The following CP variants were observed in gnomAD, a reference collection of about 807,000 sequenced individuals.
The protein encoded by CP is caeruloplasmin.
CP carries 64 observed loss-of-function variants against 122.4 expected under a neutral mutation model. The ratio of observed to expected loss-of-function variants is 0.52; its 90% CI spans 0.43 to 0.64. The LOEUF (loss-of-function observed/expected upper bound fraction) is 0.64, where lower values mean the gene tolerates loss of function less well. CP is among the 30% of genes least tolerant of loss of function. CP has a pLI of 0.00. For missense variants in CP, 1,167 were observed against 1,284.4 expected, an observed-to-expected ratio of 0.91 and a Z score of 1.40; for synonymous variants, 440 against 436.4, an observed-to-expected ratio of 1.01 and a Z score of -0.10.
At chr3:149,219,871 T>A (rs1033715860) in intron 1 of CP, among the ~76,000 whole-genome samples, 9 of 151,532 alleles carry the variant, frequency 5.9e-5, no homozygotes, top group Admixed American at 2.0e-4. Context: ...CAGGAAGGTA[T>A]GGGAAAGTTT....
At chr3:149,174,957 C>T (rs765654270) in intron 18 of CP, among the ~76,000 whole-genome samples, 3 of 152,036 alleles carry the variant, frequency 2.0e-5, no homozygotes, top group Non-Finnish European at 4.4e-5. Flanking sequence ...AAAACTATCT[C>T]GCCTTTCTTA....
chr3:149,178,213 A>G (rs1278329635), intron 16 of CP, among the ~76,000 whole-genome samples: 1 of 152,214 alleles, frequency 6.6e-6, no homozygotes, highest in Admixed American at 6.5e-5. Flanking sequence ...AGGAAATGAG[A>G]TTTTGGAATT....
intron 11 of CP, 23 bp from the exon 12 acceptor site, chr3:149,185,469 A>G (rs1441254736): frequency 6.2e-7 from 1 of 1,611,256 alleles, no homozygotes; most frequent in South Asian, 1.1e-5. Context: ...ATAAGAAAAC[A>G]TGTCACTTCT....
chr3:149,216,852 C>T (rs1182067211), intron 1 of CP, among the ~76,000 whole-genome samples: 1 of 150,086 alleles, frequency 6.7e-6, no homozygotes, highest in African/African-American at 2.5e-5. Flanking sequence ...TCCATACAAG[C>T]TGTCTTGTGT....
intron 9 of CP, among the ~76,000 whole-genome samples, chr3:149,192,981 TACACACACAC>T (rs3070607): frequency 6.7e-6 from 1 of 148,704 alleles, no homozygotes; most frequent in Admixed American, 6.7e-5. Flanking sequence ...TGATCCTGTA[TACACACACAC>T]ACACACACAC....
intron 9 of CP, among the ~76,000 whole-genome samples, chr3:149,189,382 C>T (rs1726392606): frequency 6.6e-6 from 1 of 151,936 alleles, no homozygotes; most frequent in South Asian, 2.1e-4. Context: ...GAAACCCCGT[C>T]TCTACTAAAA....
intron 5 of CP, 68 bp downstream of exon 5, chr3:149,207,295 T>C: frequency 1.9e-6 from 3 of 1,599,068 alleles, no homozygotes; most frequent in Non-Finnish European, 2.6e-6. Context: ...GATATTTAGC[T>C]TTTAGATTCT....
chr3:149,171,554 A>AT (rs1201907313), downstream of CP, among the ~76,000 whole-genome samples: 4 of 152,246 alleles, frequency 2.6e-5, no homozygotes, highest in African/African-American at 9.6e-5. Flanking sequence ...GAAATAATAA[A>AT]TCCAAATTTC....
At position 149,162,710 on chromosome 3, in the gene CP, A is replaced by G. The variant is rs2108170206; in HGVS notation, c.*179T>C. The G allele has an allele frequency of 6.2e-7, 1 of 1,614,010 alleles. No individual in the cohort carries two copies. Among genetic ancestry groups the G allele is most frequent in the South Asian group, 1.1e-5 (1 of 91,080 alleles). ...TTAAGGTGCTTTGTGCTAAGGATGA[A>G]GATACAATTCCTCAGCTCTTGGTAG... On this transcript the variant is annotated 3_prime_UTR_variant, in exon 6 of 6. Transcript: ENST00000479771.
intron 9 of CP, among the ~76,000 whole-genome samples, chr3:149,191,453 A>C (rs1472116863): frequency 6.6e-6 from 1 of 152,058 alleles, no homozygotes; most frequent in East Asian, 1.9e-4. Flanking sequence ...GAGCAGCTCA[A>C]GTGATTTGTT....
intron 9 of CP, among the ~76,000 whole-genome samples, chr3:149,195,330 A>T (rs1189026592): frequency 6.6e-6 from 1 of 152,234 alleles, no homozygotes; most frequent in Non-Finnish European, 1.5e-5. Flanking sequence ...CTAGGAATTT[A>T]TCACAAAGGT....
chr3:149,199,061 C>A (rs1408905626), intron 8 of CP, among the ~76,000 whole-genome samples: 3 of 152,166 alleles, frequency 2.0e-5, no homozygotes, highest in African/African-American at 7.2e-5. Flanking sequence ...ATTTGAATAA[C>A]CTGTTCACAG....
At position 149,213,631 on chromosome 3, in the gene CP, GGTGTGTGT is replaced by G. The variant is rs71135672; in HGVS notation, c.147-941_147-934del. ...TGAATAAAAACTGCTCATCATCATGGGTGTGTGTGTGTGTGTGTGTGTGTGTGTGTGTG... is the reference window on the plus strand; with the variant it reads ...TGAATAAAAACTGCTCATCATCATGGGTGTGTGTGTGTGTGTGTGTGTGTG... On this transcript the variant is annotated intron_variant, in intron 1 of 18. Transcript: ENST00000264613. Among the ~76,000 whole-genome samples, 1,109 of 143,748 alleles carry G rather than the reference GGTGTGTGT, an allele frequency of 7.7e-3. 8 individuals carry two copies. Among genetic ancestry groups the G allele is most frequent in the South Asian group, 0.022 (95 of 4,342 alleles). 94.3% of individuals were successfully genotyped at this position (143,748 alleles called of 152,430 possible).
intron 1 of CP, among the ~76,000 whole-genome samples, chr3:149,215,307 A>G (rs1303339735): frequency 2.0e-5 from 3 of 152,240 alleles, no homozygotes; most frequent in Admixed American, 6.5e-5. Context: ...CATTTCCTAA[A>G]ATAGGAAGAG....
At chr3:149,181,463 A>G (rs1725770067) in intron 14 of CP, among the ~76,000 whole-genome samples, 1 of 152,206 alleles carries the variant, frequency 6.6e-6, no homozygotes, top group Admixed American at 6.5e-5. Flanking sequence ...TTTTCCTGGA[A>G]GCCAACTTTA....
intron 9 of CP, among the ~76,000 whole-genome samples, chr3:149,189,235 T>G (rs1726382762): frequency 6.6e-6 from 1 of 152,102 alleles, no homozygotes; most frequent in Non-Finnish European, 1.5e-5. Flanking sequence ...GTACTAAAAA[T>G]GTCCTGGTAA....
At chr3:149,218,147 A>C (rs1194375657) in intron 1 of CP, among the ~76,000 whole-genome samples, 2 of 152,224 alleles carry the variant, frequency 1.3e-5, no homozygotes, top group African/African-American at 4.8e-5. Flanking sequence ...CCTAGAGGTC[A>C]TCAGAAAAAA....
At chr3:149,197,364 G>A (rs192314367) in intron 9 of CP, among the ~76,000 whole-genome samples, 24 of 152,170 alleles carry the variant, frequency 1.6e-4, no homozygotes, top group African/African-American at 5.8e-4. Flanking sequence ...AAAGGAAGAT[G>A]GAATTAGAAT....
At chr3:149,208,760 G>A (rs1030421192) in intron 4 of CP, among the ~76,000 whole-genome samples, 37 of 152,166 alleles carry the variant, frequency 2.4e-4, no homozygotes, top group Non-Finnish European at 5.0e-4. Context: ...GAATGATGCA[G>A]ACTAAGGGGC....
Sources: gnomAD v4.1 joint callset for allele counts (sites outside exome capture counted in the v4.1 genomes callset) on GRCh38, gnomAD v4.1.1 for gene constraint, MANE v1.5 for transcripts, NCBI Gene and HGNC (gene_info 2026-07-23, HGNC 2026-07-21) for gene names.